SYNDIG1L: variants seen among roughly 807,000 people sequenced by gnomAD.
The protein encoded by SYNDIG1L is synapse differentiation-inducing gene protein 1-like.
SYNDIG1L carries 13 observed loss-of-function variants against 20.1 expected under a neutral mutation model. The ratio of observed to expected loss-of-function variants is 0.65; its 90% CI spans 0.42 to 1.03. SYNDIG1L has a LOEUF of 1.03. Ranked by LOEUF, SYNDIG1L falls within the 50% of genes least tolerant of loss-of-function variation. The probability of loss-of-function intolerance (pLI) is 0.00; values close to 1 mark genes in which losing one functional copy is unlikely to be tolerated. For synonymous variants in SYNDIG1L, 128 were observed against 129.3 expected (o/e 0.99, Z 0.07); for missense variants, 294 against 305.1 (o/e 0.96, Z 0.27).
At chr14:74,411,850 A>G (rs2086133222) in intron 1 of SYNDIG1L, among the ~76,000 whole-genome samples, 1 of 152,192 alleles carries the variant, frequency 6.6e-6, no homozygotes, top group African/African-American at 2.4e-5. Flanking sequence ...CATCTAACAA[A>G]TAATCATGGG....
intron 1 of SYNDIG1L, among the ~76,000 whole-genome samples, chr14:74,418,109 T>A (rs1219970838): frequency 6.6e-6 from 1 of 152,262 alleles, no homozygotes; most frequent in African/African-American, 2.4e-5. Flanking sequence ...GACCGTCTTC[T>A]AATCAGATCA....
chr14:74,433,111 G>A, the SYNDIG1L span, among the ~76,000 whole-genome samples: 1 of 152,114 alleles, frequency 6.6e-6, no homozygotes, highest in African/African-American at 2.4e-5. Context: ...TTTGGCGCTA[G>A]GAGAACAATC....
the SYNDIG1L span, among the ~76,000 whole-genome samples, chr14:74,440,338 A>C: frequency 6.1e-4 from 93 of 152,088 alleles, no homozygotes; most frequent in Middle Eastern, 6.8e-3. Context: ...ACACAGTGAA[A>C]CCCCGTCTCT....
chr14:74,427,726 A>G (rs1028650041), upstream of SYNDIG1L, among the ~76,000 whole-genome samples: 4 of 151,972 alleles, frequency 2.6e-5, no homozygotes, highest in African/African-American at 9.7e-5. Flanking sequence ...CTTCACAGAC[A>G]CCCTCCTCCT....
the SYNDIG1L span, chr14:74,474,484 C>G: frequency 6.6e-6 from 1 of 152,270 alleles, no homozygotes; most frequent in African/African-American, 2.4e-5. Context: ...TCTGCTTTCT[C>G]TCTTTCTCCC....
the SYNDIG1L span, among the ~76,000 whole-genome samples, chr14:74,471,395 G>A: frequency 7.9e-5 from 12 of 152,176 alleles, no homozygotes; most frequent in East Asian, 1.5e-3. Context: ...CCAGGAGTTC[G>A]AGACCAGCCT....
At chr14:74,418,386 T>C (rs2086194265) in intron 1 of SYNDIG1L, among the ~76,000 whole-genome samples, 1 of 152,234 alleles carries the variant, frequency 6.6e-6, no homozygotes, top group Non-Finnish European at 1.5e-5. Context: ...CCTAACACAA[T>C]TGATTATCCT....
chr14:74,430,982 A>C (rs928632264), upstream of SYNDIG1L, among the ~76,000 whole-genome samples: 3 of 152,206 alleles, frequency 2.0e-5, no homozygotes, highest in South Asian at 2.1e-4. Context: ...AAATAGTCAG[A>C]GATCAATACC....
intron 1 of SYNDIG1L, among the ~76,000 whole-genome samples, chr14:74,421,441 A>G (rs974420875): frequency 6.6e-6 from 1 of 152,216 alleles, no homozygotes; most frequent in Non-Finnish European, 1.5e-5. Flanking sequence ...GGAGTTTCAG[A>G]AAGACACAAC....
the SYNDIG1L span, among the ~76,000 whole-genome samples, chr14:74,460,711 C>T: frequency 2.1e-4 from 32 of 152,300 alleles, no homozygotes; most frequent in East Asian, 2.1e-3. Flanking sequence ...TCTCGGCTCA[C>T]TGCAACCTCC....
the SYNDIG1L span, among the ~76,000 whole-genome samples, chr14:74,459,174 T>G: frequency 6.6e-6 from 1 of 152,072 alleles, no homozygotes; most frequent in Non-Finnish European, 1.5e-5. Context: ...TGGGTCATTG[T>G]GTTGGCAAGC....
the SYNDIG1L span, among the ~76,000 whole-genome samples, chr14:74,432,308 T>C: frequency 1.1e-4 from 17 of 152,198 alleles, no homozygotes; most frequent in Non-Finnish European, 2.5e-4. Context: ...GGGGCACCCA[T>C]GTAAGGCTGT....
chr14:74,449,673 A>C, the SYNDIG1L span, among the ~76,000 whole-genome samples: 1 of 151,726 alleles, frequency 6.6e-6, no homozygotes, highest in Non-Finnish European at 1.5e-5. Context: ...GCAAAGAATA[A>C]AAAGTTTGTG....
the SYNDIG1L span, among the ~76,000 whole-genome samples, chr14:74,443,146 G>A: frequency 2.0e-5 from 3 of 152,210 alleles, no homozygotes; most frequent in African/African-American, 7.2e-5. Context: ...CAGGGCTTGA[G>A]TCTCAACCTC....
rs558079303 is a variant in SYNDIG1L, at chr14:74,420,095, T to C, written c.-58+5817A>G. On this transcript the variant is annotated intron_variant, in intron 1 of 3. Transcript: ENST00000331628. ...GGCTAGGAGTCCTGTTAAGAAACTA[T>C]TGTAGGAATGCAGGCAGAAGGCCAG... Among the ~76,000 whole-genome samples, 19 of 152,084 alleles carry C rather than the reference T, an allele frequency of 1.2e-4. No individual in the cohort carries two copies. In the South Asian group the frequency reaches 4.0e-3, roughly 32 times the overall value.
At chr14:74,448,309 A>C in the SYNDIG1L span, among the ~76,000 whole-genome samples, 1 of 152,178 alleles carries the variant, frequency 6.6e-6, no homozygotes, top group Non-Finnish European at 1.5e-5. Flanking sequence ...CAAAAAGATG[A>C]AAAAAGATAT....
chr14:74,421,180 C>T (rs1019679841), intron 1 of SYNDIG1L, among the ~76,000 whole-genome samples: 2 of 152,084 alleles, frequency 1.3e-5, no homozygotes, highest in Non-Finnish European at 2.9e-5. Flanking sequence ...CAATAACAGG[C>T]TGCTATGAAA....
chr14:74,438,390 G>A, the SYNDIG1L span, among the ~76,000 whole-genome samples: 3 of 152,180 alleles, frequency 2.0e-5, no homozygotes, highest in South Asian at 4.1e-4. Context: ...AAATTCCTGC[G>A]ATTGATTAAA....
chr14:74,407,547 G>A lies in SYNDIG1L; in HGVS notation c.705C>T (p.Asn235=), dbSNP rs764855912. The change falls in exon 4 of 4, where the codon AAC becomes AAT. Residue 235 remains asparagine (N), a synonymous_variant. Transcript: ENST00000331628. ...VVALAAYMSQ[N]GHG is the part of the protein sequence containing the mutation. ...GCCCTACTGGCTACTAGCCATGACC[G>A]TTCTGGGACATGTAAGCTGCCAGAG... is the stretch of plus-strand genomic sequence containing the variant. The A allele has an allele frequency of 1.8e-5, 29 of 1,613,760 alleles. No homozygotes were observed. Among genetic ancestry groups the A allele is most frequent in the South Asian group, 6.6e-5 (6 of 91,086 alleles).
Sources: allele counts gnomAD v4.1 joint callset (sites outside exome capture counted in the v4.1 genomes callset), GRCh38; gene constraint gnomAD v4.1.1; transcripts MANE v1.5; gene names NCBI Gene and HGNC (gene_info 2026-07-23, HGNC 2026-07-21).